The following MGST1 variants were observed in gnomAD, a reference collection of about 807,000 sequenced individuals.
MGST1 encodes glutathione S-transferase 12.
In MGST1, 5 loss-of-function variants were observed where a neutral mutation model predicts 8.9. The ratio of observed to expected loss-of-function variants is 0.56; its 90% CI spans 0.29 to 1.19. The LOEUF is 1.19. MGST1 is among the 50% of genes most tolerant of loss of function. The pLI is 0.08. For missense variants in MGST1, 182 were observed against 187.4 expected, an observed-to-expected ratio of 0.97 and a Z score of 0.17; for synonymous variants, 54 against 67.8, an observed-to-expected ratio of 0.80 and a Z score of 1.00.
At chr12:16,529,734 G>C (rs1361625309) in intron 4 of MGST1, among the ~76,000 whole-genome samples, 1 of 152,060 alleles carries the variant, frequency 6.6e-6, no homozygotes, top group Non-Finnish European at 1.5e-5. Context: ...GTTTGGGCTT[G>C]TGTTATTTGT....
At position 16,525,543 on chromosome 12, in the gene MGST1, T is replaced by C. The variant is rs767324387; in HGVS notation, n.483-63985T>C. On this transcript the variant is annotated intron_variant and non_coding_transcript_variant, in intron 4 of 4. Transcript: ENST00000538857. ...CACATTTTCTTAATCCAGTCTATCA[T>C]TGTTGGACATTTGGGTTGGTTCCAA... Among the ~76,000 whole-genome samples the C allele has an allele frequency of 8.7e-3, 1,271 of 146,118 alleles. 8 individuals are homozygous for C. Among genetic ancestry groups the C allele is most frequent in the Non-Finnish European group, 0.015 (996 of 66,156 alleles).
intron 4 of MGST1, among the ~76,000 whole-genome samples, chr12:16,469,352 A>AT (rs1022504768): frequency 3.3e-5 from 5 of 151,532 alleles, no homozygotes; most frequent in Admixed American, 6.6e-5. Flanking sequence ...TGTCCAGCTA[A>AT]TTTTTTTTGT....
rs1941502338 is a variant in MGST1 at position 16,500,973 on chromosome 12, G to A, written n.483-88555G>A. Reference sequence around the variant, plus strand: ...ACAAAAAACTTAGCTGGGTATGGTGGTGTGCACCTGTAGTCCCAGCTACTT... The same window carrying A: ...ACAAAAAACTTAGCTGGGTATGGTGATGTGCACCTGTAGTCCCAGCTACTT... On this transcript the variant is annotated intron_variant and non_coding_transcript_variant, in intron 4 of 4. Transcript: ENST00000538857. The surrounding 1 kb of genome is among the most constrained non-coding windows in gnomAD (Gnocchi z 4.3). Among the ~76,000 whole-genome samples the A allele has an allele frequency of 6.6e-6, 1 of 151,958 alleles. No homozygotes were observed.
intron 4 of MGST1, among the ~76,000 whole-genome samples, chr12:16,533,487 C>T (rs1158254416): frequency 6.6e-6 from 1 of 152,028 alleles, no homozygotes; most frequent in Non-Finnish European, 1.5e-5. Flanking sequence ...GCTTTTTTCT[C>T]GGTTAATTTT....
intron 1 of MGST1, among the ~76,000 whole-genome samples, chr12:16,392,668 G>A (rs1353072795): frequency 1.3e-5 from 2 of 151,904 alleles, no homozygotes; most frequent in African/African-American, 4.8e-5. Context: ...TTGGGATATG[G>A]CTTTATAGTC....
chr12:16,379,625 C>G (rs1252264390), downstream of MGST1, among the ~76,000 whole-genome samples: 1 of 152,182 alleles, frequency 6.6e-6, no homozygotes, highest in African/African-American at 2.4e-5. Flanking sequence ...GGTTGTGTCT[C>G]TGCCTGGCTT....
chr12:16,447,884 C>G (rs1001848574), intron 4 of MGST1, among the ~76,000 whole-genome samples: 5 of 151,940 alleles, frequency 3.3e-5, no homozygotes, highest in Admixed American at 1.3e-4. Flanking sequence ...AATTTCAAAG[C>G]TGGTAACTGC....
intron 4 of MGST1, among the ~76,000 whole-genome samples, chr12:16,483,933 C>T (rs945121220): frequency 6.6e-6 from 1 of 152,122 alleles, no homozygotes; most frequent in Non-Finnish European, 1.5e-5. Context: ...TTACAAAAAC[C>T]AGCCATATTC....
chr12:16,467,686 GACTTT>G (rs1488134426), intron 4 of MGST1, among the ~76,000 whole-genome samples: 2 of 152,096 alleles, frequency 1.3e-5, no homozygotes, highest in Non-Finnish European at 2.9e-5. Flanking sequence ...TTTAAAATAT[GACTTT>G]ACTTAATTAT....
chr12:16,372,817 G>A (rs1017351437), intron 3 of MGST1, among the ~76,000 whole-genome samples: 6 of 149,606 alleles, frequency 4.0e-5, no homozygotes, highest in African/African-American at 1.5e-4. Context: ...GGATGTGTGT[G>A]TGTATAATAT....
intron 1 of MGST1, among the ~76,000 whole-genome samples, chr12:16,430,934 C>T (rs926594005): frequency 1.3e-5 from 2 of 152,178 alleles, no homozygotes; most frequent in African/African-American, 2.4e-5. Flanking sequence ...GTTTGATATA[C>T]ATTGAAAATT....
chr12:16,405,137 C>T (rs1468892000), intron 1 of MGST1, among the ~76,000 whole-genome samples: 1 of 152,062 alleles, frequency 6.6e-6, no homozygotes, highest in East Asian at 1.9e-4. Context: ...GAACCAATGG[C>T]AAACCAATCT....
At chr12:16,494,408 G>A (rs1941457403) in intron 4 of MGST1, among the ~76,000 whole-genome samples, 1 of 152,062 alleles carries the variant, frequency 6.6e-6, no homozygotes, top group African/African-American at 2.4e-5. Flanking sequence ...TACAAAAATA[G>A]TGTCTTTTGT....
At chr12:16,376,499 C>T (rs1940382618) in exon 4 of MGST1, 1 of 166,302 alleles carries the variant, frequency 6.0e-6, no homozygotes, top group African/African-American at 2.4e-5. Flanking sequence ...GAAAAATGCT[C>T]CAGGACCAGA....
chr12:16,445,283 T>C (rs1433560567), intron 4 of MGST1, among the ~76,000 whole-genome samples: 2 of 151,886 alleles, frequency 1.3e-5, no homozygotes, highest in Admixed American at 6.6e-5. Context: ...GATATAGCAA[T>C]TAGCCTTTTG....
At chr12:16,572,585 A>G (rs925356206) in intron 4 of MGST1, among the ~76,000 whole-genome samples, 5 of 149,810 alleles carry the variant, frequency 3.3e-5, no homozygotes, top group Non-Finnish European at 5.9e-5. Context: ...CTTCATAAAT[A>G]GAGTATGTGT....
intron 4 of MGST1, among the ~76,000 whole-genome samples, chr12:16,561,559 A>T (rs1359001830): frequency 6.6e-6 from 1 of 152,230 alleles, no homozygotes; most frequent in East Asian, 1.9e-4. Context: ...GAGAAAACTC[A>T]TTTTGGTTAT....
At chr12:16,414,108 G>A (rs1014049594) in intron 1 of MGST1, among the ~76,000 whole-genome samples, 1 of 151,692 alleles carries the variant, frequency 6.6e-6, no homozygotes, top group South Asian at 2.1e-4. Context: ...GTTACCAAGA[G>A]AGGTAATATT....
downstream of MGST1, among the ~76,000 whole-genome samples, chr12:16,380,462 T>G: frequency 6.6e-6 from 1 of 152,146 alleles, no homozygotes. Context: ...TTGAGTGAGT[T>G]TTTTTAATCC....
Sources: gnomAD v4.1 joint callset for allele counts (sites outside exome capture counted in the v4.1 genomes callset) on GRCh38, gnomAD v4.1.1 for gene constraint, Gnocchi (gnomAD v3.1) non-coding constraint, MANE v1.5 for transcripts, NCBI Gene and HGNC (gene_info 2026-07-23, HGNC 2026-07-21) for gene names.